PCDH15: variants seen among roughly 807,000 people sequenced by gnomAD.
PCDH15 encodes protocadherin-15.
In PCDH15, 129 loss-of-function variants were observed where a neutral mutation model predicts 178.5. The ratio of observed to expected loss-of-function variants is 0.72; its 90% CI spans 0.63 to 0.84. PCDH15 has a LOEUF of 0.84. Among genes scored for constraint, PCDH15 ranks in the 40% least tolerant of loss-of-function variants. The pLI is 0.00. For synonymous variants in PCDH15, 800 were observed against 732.0 expected (o/e 1.09, Z -1.50); for missense variants, 2,230 against 2,099.9 (o/e 1.06, Z -1.21).
intron 1 of PCDH15, among the ~76,000 whole-genome samples, chr10:54,709,601 T>C (rs2095407538): frequency 7.8e-6 from 1 of 127,438 alleles, no homozygotes; most frequent in Non-Finnish European, 1.6e-5. Flanking sequence ...TTCATATATA[T>C]ATATATATAC....
chr10:53,859,877 A>C (rs1254737528), intron 27 of PCDH15, among the ~76,000 whole-genome samples: 1 of 152,128 alleles, frequency 6.6e-6, no homozygotes, highest in Non-Finnish European at 1.5e-5. Flanking sequence ...CCTCAGAGGA[A>C]GACCAAACAT....
At chr10:54,814,878 G>A (rs1443026942) in intron 3 of PCDH15, among the ~76,000 whole-genome samples, 2 of 152,038 alleles carry the variant, frequency 1.3e-5, no homozygotes, top group African/African-American at 4.8e-5. Context: ...TCTGATGTGA[G>A]GCTATTTTAT....
chr10:54,151,165 G>C (rs895352086), intron 14 of PCDH15, among the ~76,000 whole-genome samples: 2 of 152,014 alleles, frequency 1.3e-5, no homozygotes, highest in South Asian at 4.2e-4. Context: ...CAATCTAATG[G>C]GGAAACACTG....
chr10:55,334,242 A>ATATATATATATATATGTGTG (rs1291195941), intron 2 of PCDH15, among the ~76,000 whole-genome samples: 99 of 72,094 alleles, frequency 1.4e-3, no homozygotes, highest in Non-Finnish European at 2.0e-3. Context: ...ATATATATAT[A>ATATATATATATATATGTGTG]TGTGTGTGTG....
At chr10:54,270,201 G>A (rs2057959780) in intron 8 of PCDH15, among the ~76,000 whole-genome samples, 1 of 152,004 alleles carries the variant, frequency 6.6e-6, no homozygotes, top group African/African-American at 2.4e-5. Context: ...TTTTAAAAAT[G>A]GGATCCATTT....
chr10:55,338,691 C>T (rs1413662515), intron 2 of PCDH15, among the ~76,000 whole-genome samples: 1 of 152,006 alleles, frequency 6.6e-6, no homozygotes, highest in Non-Finnish European at 1.5e-5. Context: ...TCGCTTGGAC[C>T]CAGGAGGGAG....
chr10:55,377,146 TAA>T (rs398054373), intron 2 of PCDH15, among the ~76,000 whole-genome samples: 29 of 105,262 alleles, frequency 2.8e-4, no homozygotes, highest in Admixed American at 6.1e-4. Context: ...CTTTCTTCAC[TAA>T]AAAAAAAAAA....
chr10:54,521,526 G>A (rs1476685434), intron 3 of PCDH15, among the ~76,000 whole-genome samples: 2 of 152,146 alleles, frequency 1.3e-5, no homozygotes, highest in African/African-American at 4.8e-5. Flanking sequence ...GAAATGTGAA[G>A]CTGCTACTAT....
chr10:54,195,972 G>C, intron 10 of PCDH15, 83 bp from the exon 11 acceptor site: 1 of 1,256,100 alleles, frequency 8.0e-7, no homozygotes, highest in Admixed American at 1.9e-5. Context: ...GCAATATATA[G>C]GGTTCTCTTT....
intron 2 of PCDH15, among the ~76,000 whole-genome samples, chr10:54,622,600 ATATATATAAT>A (rs1387338028): frequency 1.0e-5 from 1 of 100,258 alleles, no homozygotes; most frequent in South Asian, 2.4e-4. Context: ...ATAATATATA[ATATATATAAT>A]TATATATAAT....
intron 26 of PCDH15, among the ~76,000 whole-genome samples, chr10:53,875,414 T>C (rs1308486620): frequency 6.6e-6 from 1 of 151,996 alleles, no homozygotes; most frequent in Non-Finnish European, 1.5e-5. Flanking sequence ...AATTAATGCA[T>C]AAAAATTAAA....
At chr10:54,381,445 C>T (rs1949227765) in intron 3 of PCDH15, among the ~76,000 whole-genome samples, 1 of 152,236 alleles carries the variant, frequency 6.6e-6, no homozygotes, top group East Asian at 1.9e-4. Context: ...GCTCTCTTTC[C>T]TCCTTCGTTA....
At chr10:54,463,110 T>A (rs1274722237) in intron 3 of PCDH15, among the ~76,000 whole-genome samples, 5 of 152,114 alleles carry the variant, frequency 3.3e-5, no homozygotes, top group Non-Finnish European at 7.3e-5. Context: ...CATGTTCAAC[T>A]CTGTTCAGTC....
intron 2 of PCDH15, among the ~76,000 whole-genome samples, chr10:54,595,480 C>T (rs1366374801): frequency 6.6e-6 from 1 of 152,146 alleles, no homozygotes; most frequent in Non-Finnish European, 1.5e-5. Context: ...TGAAGGAACA[C>T]CAGCCCACAA....
intron 3 of PCDH15, among the ~76,000 whole-genome samples, chr10:54,410,478 C>T (rs1029159534): frequency 6.6e-6 from 1 of 152,022 alleles, no homozygotes; most frequent in African/African-American, 2.4e-5. Context: ...AAAGAAAATA[C>T]TTAGTTGGGA....
At chr10:54,992,119 T>C (rs1450996708) in intron 2 of PCDH15, among the ~76,000 whole-genome samples, 1 of 152,144 alleles carries the variant, frequency 6.6e-6, no homozygotes, top group Non-Finnish European at 1.5e-5. Context: ...AAAATCACTC[T>C]ATAATATAAA....
At chr10:55,627,192 G>A (rs1359452302) in intron 2 of PCDH15, among the ~76,000 whole-genome samples, 1 of 145,764 alleles carries the variant, frequency 6.9e-6, no homozygotes, top group Non-Finnish European at 1.5e-5. Flanking sequence ...TTCACTACAT[G>A]TGGACATTAA....
At chr10:55,586,020 T>C (rs1429025184) in intron 2 of PCDH15, among the ~76,000 whole-genome samples, 1 of 152,132 alleles carries the variant, frequency 6.6e-6, no homozygotes, top group East Asian at 1.9e-4. Context: ...TTCAGCCTAA[T>C]CTGTTTGGAA....
chr10:55,450,955 C>CTATATATA (rs56986885), intron 2 of PCDH15, among the ~76,000 whole-genome samples: 7,505 of 121,722 alleles, frequency 0.062, 319 homozygotes, highest in African/African-American at 0.08. Flanking sequence ...GGGGTAAGAA[C>CTATATATA]TATATATATA....
Sources: gnomAD v4.1 joint callset for allele counts (sites outside exome capture counted in the v4.1 genomes callset) on GRCh38, gnomAD v4.1.1 for gene constraint, MANE v1.5 for transcripts, NCBI Gene and HGNC (gene_info 2026-07-23, HGNC 2026-07-21) for gene names.